CNTN5: variants seen among roughly 807,000 people sequenced by gnomAD.
The protein encoded by CNTN5 is contactin-5.
A neutral mutation model predicts 129.1 loss-of-function variants in CNTN5; 77 were observed. The observed-to-expected ratio is 0.60, with a 90% confidence interval of 0.50 to 0.72. The LOEUF (loss-of-function observed/expected upper bound fraction) is 0.72, where lower values mean the gene tolerates loss of function less well. Among genes scored for constraint, CNTN5 ranks in the 30% least tolerant of loss-of-function variants. The pLI is 0.00. For synonymous variants in CNTN5, 509 were observed against 465.6 expected, an observed-to-expected ratio of 1.09 and a Z score of -1.20; for missense variants, 1,478 against 1,328.8, an observed-to-expected ratio of 1.11 and a Z score of -1.75.
intron 2 of CNTN5, among the ~76,000 whole-genome samples, chr11:99,353,915 C>A (rs1938467644): frequency 6.6e-6 from 1 of 152,052 alleles, no homozygotes; most frequent in South Asian, 2.1e-4. Flanking sequence ...AAACGTTTAC[C>A]CCACGTGAAG....
At chr11:99,404,777 C>G (rs1280175603) in intron 2 of CNTN5, among the ~76,000 whole-genome samples, 1 of 152,044 alleles carries the variant, frequency 6.6e-6, no homozygotes, top group Non-Finnish European at 1.5e-5. Flanking sequence ...TCATAGTGTT[C>G]TGTGGTTTTT....
At chr11:99,026,011 T>C (rs1863093369) in intron 1 of CNTN5, among the ~76,000 whole-genome samples, 1 of 151,714 alleles carries the variant, frequency 6.6e-6, no homozygotes, top group Non-Finnish European at 1.5e-5. Context: ...ACTATTGTTC[T>C]TGAGCCTTTA....
At chr11:99,786,804 C>A (rs2135415126) in intron 3 of CNTN5, among the ~76,000 whole-genome samples, 4 of 152,214 alleles carry the variant, frequency 2.6e-5, no homozygotes, top group African/African-American at 9.6e-5. Context: ...TAGCCATATG[C>A]AGAAAACTGA....
At chr11:100,245,851 G>A (rs1157618307) in intron 16 of CNTN5, among the ~76,000 whole-genome samples, 1 of 152,046 alleles carries the variant, frequency 6.6e-6, no homozygotes, top group Non-Finnish European at 1.5e-5. Context: ...TGAACTTTCT[G>A]AGGCTTTGCT....
chr11:100,048,607 C>T (rs1942806697), intron 9 of CNTN5, among the ~76,000 whole-genome samples: 1 of 151,646 alleles, frequency 6.6e-6, no homozygotes, highest in African/African-American at 2.4e-5. Flanking sequence ...GTGGATTAGA[C>T]ACTGCAGAAG....
chr11:100,007,864 T>A (rs768817508), intron 9 of CNTN5, among the ~76,000 whole-genome samples: 1 of 152,000 alleles, frequency 6.6e-6, no homozygotes, highest in Non-Finnish European at 1.5e-5. Flanking sequence ...TGACTTGCCT[T>A]CCTCACTAAG....
intron 1 of CNTN5, among the ~76,000 whole-genome samples, chr11:99,188,129 G>T (rs61893061): frequency 2.0e-5 from 3 of 151,604 alleles, no homozygotes; most frequent in African/African-American, 7.3e-5. Flanking sequence ...CTTTTTATAG[G>T]TGATTAGTTA....
intron 2 of CNTN5, among the ~76,000 whole-genome samples, chr11:99,388,900 G>T (rs1441372530): frequency 6.6e-6 from 1 of 152,110 alleles, no homozygotes; most frequent in Non-Finnish European, 1.5e-5. Context: ...TCTGGGTACT[G>T]TGGAACACAG....
intron 18 of CNTN5, among the ~76,000 whole-genome samples, chr11:100,278,485 T>C (rs958836293): frequency 3.3e-5 from 5 of 151,998 alleles, no homozygotes; most frequent in African/African-American, 7.2e-5. Context: ...TTTCAATGTA[T>C]TGCATCAGTT....
chr11:99,446,675 A>G (rs1377167258), intron 2 of CNTN5, among the ~76,000 whole-genome samples: 1 of 152,206 alleles, frequency 6.6e-6, no homozygotes, highest in Non-Finnish European at 1.5e-5. Context: ...TATCCGAATG[A>G]ATACAATTTA....
chr11:99,229,909 A>G (rs1039950331), intron 1 of CNTN5, among the ~76,000 whole-genome samples: 1 of 151,890 alleles, frequency 6.6e-6, no homozygotes, highest in South Asian at 2.1e-4. Flanking sequence ...ATATAAATAT[A>G]ATGTGCAATA....
At chr11:99,505,270 T>G (rs375429422) in intron 2 of CNTN5, among the ~76,000 whole-genome samples, 1 of 152,192 alleles carries the variant, frequency 6.6e-6, no homozygotes, top group South Asian at 2.1e-4. Context: ...AAAAAAGACA[T>G]GCTGACACAA....
At chr11:99,718,685 A>C (rs952453581) in intron 3 of CNTN5, among the ~76,000 whole-genome samples, 1 of 152,186 alleles carries the variant, frequency 6.6e-6, no homozygotes, top group South Asian at 2.1e-4. Context: ...ATCAAATGCT[A>C]TAGTTAGCAA....
At chr11:99,843,637 A>T (rs914313969) in intron 4 of CNTN5, among the ~76,000 whole-genome samples, 2 of 152,210 alleles carry the variant, frequency 1.3e-5, no homozygotes, top group Non-Finnish European at 2.9e-5. Flanking sequence ...CCTAGAGCAC[A>T]TATAACAATG....
At chr11:100,227,381 C>T (rs771443432) in intron 16 of CNTN5, among the ~76,000 whole-genome samples, 4 of 152,080 alleles carry the variant, frequency 2.6e-5, no homozygotes, top group Non-Finnish European at 5.9e-5. Context: ...CTCATCATTG[C>T]CTATTTAGAA....
intron 1 of CNTN5, among the ~76,000 whole-genome samples, chr11:99,143,850 C>G (rs1859652889): frequency 2.0e-5 from 3 of 151,966 alleles, no homozygotes; most frequent in Admixed American, 2.0e-4. Flanking sequence ...TTGAAAAGAC[C>G]TGTTTTAGAG....
At chr11:99,508,686 C>CTTTCTTTTTT (rs11281160) in intron 2 of CNTN5, among the ~76,000 whole-genome samples, 2 of 146,860 alleles carry the variant, frequency 1.4e-5, no homozygotes, top group Admixed American at 6.8e-5. Context: ...TCTTTTCTTT[C>CTTTCTTTTTT]TTTTTTTTTT....
At chr11:99,908,616 A>C (rs781591125) in intron 6 of CNTN5, among the ~76,000 whole-genome samples, 1 of 152,102 alleles carries the variant, frequency 6.6e-6, no homozygotes, top group African/African-American at 2.4e-5. Flanking sequence ...GCCAGAGTTC[A>C]TAGACTATAT....
At chr11:99,680,181 A>G (rs1263358462) in intron 3 of CNTN5, among the ~76,000 whole-genome samples, 1 of 152,112 alleles carries the variant, frequency 6.6e-6, no homozygotes, top group East Asian at 1.9e-4. Context: ...TCTATCTAAG[A>G]TCATGGACAA....
Sources: allele counts gnomAD v4.1 joint callset (sites outside exome capture counted in the v4.1 genomes callset), GRCh38; gene constraint gnomAD v4.1.1; transcripts MANE v1.5; gene names NCBI Gene and HGNC (gene_info 2026-07-23, HGNC 2026-07-21).